BRWD1: variants seen among roughly 807,000 people sequenced by gnomAD.
BRWD1 encodes the protein bromodomain and WD repeat domain containing 1.
Under a neutral mutation model 251.2 loss-of-function variants are expected in BRWD1, and 82 were observed. That is an observed-to-expected ratio of 0.33 (90% CI 0.27 to 0.39). The LOEUF (loss-of-function observed/expected upper bound fraction) is 0.39. BRWD1 is among the 10% of genes least tolerant of loss of function. BRWD1 has a pLI of 1.00. For synonymous variants in BRWD1, 918 were observed against 902.8 expected (o/e 1.02, Z -0.30); for missense variants, 2,233 against 2,711.6 (o/e 0.82, Z 3.92).
chr21:39,236,941 T>C (rs565086150), intron 22 of BRWD1, among the ~76,000 whole-genome samples, 157 bp from the exon 23 acceptor site: 1 of 152,132 alleles, frequency 6.6e-6, no homozygotes, highest in Admixed American at 6.5e-5. Flanking sequence ...TACCAGCAAG[T>C]ACTGAAGTGA....
intron 9 of BRWD1, among the ~76,000 whole-genome samples, chr21:39,279,137 C>CA (rs1225769136): frequency 2.0e-5 from 3 of 152,012 alleles, no homozygotes; most frequent in Admixed American, 2.0e-4. Context: ...TCCTTTAACC[C>CA]AATACACCCA....
chr21:39,240,605 G>A (rs1452903332), intron 21 of BRWD1, among the ~76,000 whole-genome samples: 3 of 152,092 alleles, frequency 2.0e-5, no homozygotes, highest in Non-Finnish European at 2.9e-5. Context: ...GTAAACATTG[G>A]AAACAACCTA....
At position 39,186,869 on chromosome 21, in the gene BRWD1, A is replaced by C; in HGVS notation, c.*9390T>G. 3 of 1,266,344 alleles carry C rather than the reference A, an allele frequency of 2.4e-6. No individual in the cohort carries two copies. The highest frequency in any genetic ancestry group is 2.1e-6 in the Non-Finnish European group (2 of 949,974). 78.4% of individuals were successfully genotyped at this position (1,266,344 alleles called of 1,614,324 possible). A position where few individuals can be genotyped will look rare whatever the true frequency, so the allele number is the denominator to read the frequency against. Reference sequence around the variant, plus strand: ...ATTCCCCAGAGCACATGTCTGTACAAGAGCTGACTGGGAGGAACCCACTGG... The same window carrying C: ...ATTCCCCAGAGCACATGTCTGTACACGAGCTGACTGGGAGGAACCCACTGG... On this transcript the variant is annotated 3_prime_UTR_variant, in exon 41 of 41. Transcript: ENST00000342449.
intron 35 of BRWD1, 54 bp from the exon 36 acceptor site, chr21:39,210,201 T>C (rs1313099091): frequency 1.4e-6 from 2 of 1,424,728 alleles, no homozygotes; most frequent in Admixed American, 3.8e-5. Flanking sequence ...CTTTTAGAAA[T>C]GTAAATGCAT....
Position 39,190,786 on chromosome 21 carries a change from T to C in BRWD1, c.*5473A>G. 1.0e-6 allele frequency: 1 copy of C among 985,402 alleles called. No homozygotes were observed. Among genetic ancestry groups the C allele is most frequent in the Non-Finnish European group, 1.2e-6 (1 of 829,922 alleles). 61.0% of individuals were successfully genotyped at this position (985,402 alleles called of 1,614,324 possible). A position where few individuals can be genotyped will look rare whatever the true frequency, so the allele number is the denominator to read the frequency against. ...AGTTCCGTTTTCTAGGGGGAGCTGG[T>C]AACACTGCAGTATGGCAGCATCAGG... On this transcript the variant is annotated 3_prime_UTR_variant, in exon 41 of 41. Coordinates refer to ENST00000342449, the MANE Select transcript of BRWD1 (RefSeq NM_033656.4).
At chr21:39,254,057 G>A (rs113460205) in intron 19 of BRWD1, among the ~76,000 whole-genome samples, 24 of 152,120 alleles carry the variant, frequency 1.6e-4, no homozygotes, top group African/African-American at 5.3e-4. Context: ...ACCTGAGGTC[G>A]GGAGTTCAAG....
intron 12 of BRWD1, 103 bp downstream of exon 12, chr21:39,276,070 A>G (rs916248185): frequency 4.6e-5 from 46 of 996,602 alleles, no homozygotes; most frequent in Non-Finnish European, 5.9e-5. Context: ...ATAATAATAT[A>G]AAGGGAAAAA....
At chr21:39,280,021 AATT>A in intron 9 of BRWD1, 124 bp downstream of exon 9, 1 of 634,688 alleles carries the variant, frequency 1.6e-6, no homozygotes, top group South Asian at 2.4e-5. Context: ...ATATAATAAA[AATT>A]AAGTTCAAAG....
rs576351737 is a variant in BRWD1 at position 39,255,709 on chromosome 21, C to T, written c.2191G>A (p.Glu731Lys). ...QNAPRSQIAT[E>K]RDLQAWKRRV... ...CGTTTCCAAGCCTGCAGGTCACGTTCTGTAGCAATCTGACTGCGTGGAGCG... is the reference window on the plus strand; with the variant it reads ...CGTTTCCAAGCCTGCAGGTCACGTTTTGTAGCAATCTGACTGCGTGGAGCG... Residue 731 changes from glutamate to lysine, a missense_variant, in exon 19 of 41, where the codon GAA (glutamate) becomes AAA (lysine). Physicochemically the swap from Glu to Lys is moderately conservative, Grantham distance 56 (BLOSUM62 1). Around this residue, in one of 12 missense-constraint regions of BRWD1, gnomAD observed 35 missense variants for 76.3 expected, o/e 0.46. Transcript: ENST00000342449. The T allele has an allele frequency of 6.2e-7, 1 of 1,614,050 alleles. No homozygotes were observed. The highest frequency in any genetic ancestry group is 8.5e-7 in the Non-Finnish European group (1 of 1,180,026).
chr21:39,195,920 G>A lies in BRWD1; in HGVS notation c.*339C>T. On this transcript the variant is annotated 3_prime_UTR_variant, in exon 41 of 41. Coordinates refer to ENST00000342449, the MANE Select transcript of BRWD1 (RefSeq NM_033656.4). ...TCTTTGACAAATTCAGAAAATAACT[G>A]CATGACACTTGCTGCCATGAAAGTA... is the stretch of plus-strand genomic sequence containing the variant. 4.9e-6 allele frequency: 5 copies of A among 1,016,674 alleles called. No individual in the cohort carries two copies. Among genetic ancestry groups the A allele is most frequent in the Non-Finnish European group, 5.9e-6 (5 of 851,186 alleles). The allele number at this position is 1,016,674 out of a possible 1,614,324, so 63.0% of individuals were successfully genotyped here.
rs1407003872 is a variant in BRWD1, at chr21:39,276,107, T to TACTA, written c.1145+62_1145+65dup. 5 of 1,350,716 alleles carry TACTA rather than the reference T, an allele frequency of 3.7e-6. No homozygotes were observed. In the African/African-American group the frequency reaches 7.3e-5, roughly 20 times the overall value. 83.7% of individuals were successfully genotyped at this position (1,350,716 alleles called of 1,614,324 possible). On this transcript the variant is annotated intron_variant, in intron 12 of 40. Transcript: ENST00000342449. ...TACATACAAAATGACAGGTTAGCTA[T>TACTA]ACTAACATGTAGCACATTATATTTG...
At chr21:39,228,089 T>C (rs529471674) in intron 27 of BRWD1, among the ~76,000 whole-genome samples, 97 of 152,018 alleles carry the variant, frequency 6.4e-4, no homozygotes, top group Middle Eastern at 3.4e-3. Context: ...GGAGTTCGAG[T>C]CCAGCCTGAC....
chr21:39,229,168 A>C, intron 26 of BRWD1, 144 bp downstream of exon 26: 1 of 701,302 alleles, frequency 1.4e-6, no homozygotes, highest in South Asian at 2.0e-5. Context: ...TTTCCTAGCC[A>C]TCAGAAGCTC....
chr21:39,284,242 G>A (rs2146716003), intron 8 of BRWD1, among the ~76,000 whole-genome samples: 1 of 152,318 alleles, frequency 6.6e-6, no homozygotes, highest in Middle Eastern at 3.4e-3. Flanking sequence ...TGCTTTGGGA[G>A]GCCAATGGAG....
In BRWD1 at chr21:39,264,498, T is replaced by C. The variant is rs774931026; in HGVS notation, c.1847A>G (p.Asp616Gly). ...RLVPGRENSA[D>G]EHLIPQLGYV... ...GCCCAGCTGTGGAATCAAATGTTCA[T>C]CTGCAGAATTTTCTCGGCCTGGTAC... The change falls in exon 17 of 41, where the codon GAT (aspartate) becomes GGT (glycine). Residue 616 changes from aspartate to glycine, a missense_variant. Transcript: ENST00000342449. The C allele has an allele frequency of 1.2e-6, 2 of 1,610,388 alleles. No individual in the cohort carries two copies. The highest frequency in any genetic ancestry group is 1.7e-5 in the Admixed American group (1 of 59,094).
intron 19 of BRWD1, among the ~76,000 whole-genome samples, chr21:39,252,584 A>G (rs1278594395): frequency 6.6e-6 from 1 of 152,236 alleles, no homozygotes; most frequent in Admixed American, 6.5e-5. Flanking sequence ...ATCTCAATCA[A>G]TTATCGCCTT....
intron 35 of BRWD1, 48 bp downstream of exon 35, chr21:39,210,738 C>A: frequency 1.3e-6 from 2 of 1,544,110 alleles, no homozygotes; most frequent in Non-Finnish European, 1.7e-6. Flanking sequence ...CCAGTTTCCT[C>A]ACTGCAAAAC....
chr21:39,311,592 C>T (rs931427234), intron 4 of BRWD1, among the ~76,000 whole-genome samples: 1 of 152,210 alleles, frequency 6.6e-6, no homozygotes, highest in African/African-American at 2.4e-5. Flanking sequence ...GCTATATTAT[C>T]CGTGAAGAAA....
chr21:39,264,016 T>G (rs1205549959), intron 17 of BRWD1, among the ~76,000 whole-genome samples: 1 of 152,116 alleles, frequency 6.6e-6, no homozygotes, highest in South Asian at 2.1e-4. Context: ...TTCAAATACA[T>G]CAACATCATG....
Sources: gnomAD v4.1 joint callset for allele counts (sites outside exome capture counted in the v4.1 genomes callset) on GRCh38, gnomAD v4.1.1 for gene constraint, gnomAD v4.1.1 regional missense constraint, MANE v1.5 for transcripts, NCBI Gene and HGNC (gene_info 2026-07-23, HGNC 2026-07-21) for gene names.